The following USP1 variants were observed in gnomAD, a reference collection of about 807,000 sequenced individuals.
USP1 encodes the protein ubiquitin specific peptidase 1, also known as ubiquitin carboxyl-terminal hydrolase 1.
USP1 carries 18 observed loss-of-function variants against 72.2 expected under a neutral mutation model. The observed-to-expected ratio is 0.25, with a 90% confidence interval of 0.17 to 0.37. The LOEUF is 0.37. USP1 is among the 10% of genes least tolerant of loss of function. The probability of loss-of-function intolerance (pLI) is 1.00; values close to 1 mark genes in which losing one functional copy is unlikely to be tolerated. For synonymous variants in USP1, 354 were observed against 303.7 expected (o/e 1.17, Z -1.72); for missense variants, 759 against 884.9 (o/e 0.86, Z 1.81).
intron 6 of USP1, 105 bp from the exon 7 acceptor site, chr1:62,447,236 G>T: frequency 9.0e-7 from 1 of 1,113,536 alleles, no homozygotes; most frequent in Admixed American, 2.9e-5. Flanking sequence ...CTATGAAAAT[G>T]GAACTGTTAT....
intron 6 of USP1, among the ~76,000 whole-genome samples, chr1:62,446,080 A>G (rs11207969): frequency 0.38 from 58,292 of 152,114 alleles, 11,904 homozygotes; most frequent in African/African-American, 0.53. Context: ...AAACTGATGA[A>G]GGACATTGCA....
intron 8 of USP1, 136 bp downstream of exon 8, chr1:62,448,802 G>A: frequency 1.1e-6 from 1 of 884,390 alleles, no homozygotes; most frequent in Non-Finnish European, 1.7e-6. Context: ...GTAAAGTTTT[G>A]TTCTTATTAA....
At chr1:62,443,073 A>G (rs559713568) in intron 4 of USP1, 86 bp from the exon 5 acceptor site, 17 of 1,371,610 alleles carry the variant, frequency 1.2e-5, no homozygotes, top group African/African-American at 2.9e-5. Context: ...TAGAAAATCT[A>G]GTATTCTTAA....
chr1:62,448,443 G>A (rs748923795), intron 7 of USP1, 22 bp from the exon 8 acceptor site: 13 of 1,608,404 alleles, frequency 8.1e-6, no homozygotes, highest in Non-Finnish European at 1.1e-5. Context: ...AAGTATTTGA[G>A]TGAAAGGATT....
Position 62,437,275 on chromosome 1 carries a change from G to A in USP1, c.-195G>A, listed in dbSNP as rs1369838116. On this transcript the variant is annotated 5_prime_UTR_variant, in exon 1 of 9. Coordinates refer to ENST00000339950, the MANE Select transcript of USP1 (RefSeq NM_003368.5). Reference sequence around the variant, plus strand: ...CACTCCCCCGCGGGGAGGGCGAGCCGACCAGATTTTCCTGGGGCCGGGGAC... The same window carrying A: ...CACTCCCCCGCGGGGAGGGCGAGCCAACCAGATTTTCCTGGGGCCGGGGAC... 5.8e-5 allele frequency: 23 copies of A among 397,606 alleles called. No individual in the cohort carries two copies. The highest frequency in any genetic ancestry group is 8.9e-5 in the Non-Finnish European group (20 of 225,890). 24.6% of individuals were successfully genotyped at this position (397,606 alleles called of 1,614,324 possible). A position where few individuals can be genotyped will look rare whatever the true frequency, so the allele number is the denominator to read the frequency against.
At position 62,451,095 on chromosome 1, in the gene USP1, C is replaced by A; in HGVS notation, c.*114C>A. ...TTTGAAGCTACTGGATATTATTGGT[C>A]TCTCTAGGTTTTTATATAAATAGTG... On this transcript the variant is annotated 3_prime_UTR_variant, in exon 9 of 9. Coordinates refer to ENST00000339950, the MANE Select transcript of USP1 (RefSeq NM_003368.5). 9.1e-7 allele frequency: 1 copy of A among 1,103,274 alleles called. No individual in the cohort carries two copies. The highest frequency in any genetic ancestry group is 1.2e-6 in the Non-Finnish European group (1 of 802,728). The allele number at this position is 1,103,274 out of a possible 1,614,324, so 68.3% of individuals were successfully genotyped here.
chr1:62,436,874 G>C (rs1181363845), upstream of USP1: 1 of 378,474 alleles, frequency 2.6e-6, no homozygotes, highest in Non-Finnish European at 4.7e-6. Flanking sequence ...GGGAACTACA[G>C]TCCCAGCTGG....
intron 6 of USP1, 76 bp downstream of exon 6, chr1:62,445,505 A>G: frequency 1.5e-6 from 2 of 1,292,414 alleles, no homozygotes; most frequent in Admixed American, 3.1e-5. Context: ...TCCTAGATAC[A>G]TGTACAATAT....
intron 5 of USP1, among the ~76,000 whole-genome samples, chr1:62,444,117 G>A (rs191087366): frequency 3.3e-4 from 50 of 152,006 alleles, no homozygotes; most frequent in Admixed American, 1.7e-3. Context: ...AAATTAGCTG[G>A]GTGTGGTGGT....
At chr1:62,438,309 C>T (rs1411423925) in intron 1 of USP1, among the ~76,000 whole-genome samples, 2 of 151,910 alleles carry the variant, frequency 1.3e-5, no homozygotes, top group Admixed American at 1.3e-4. Flanking sequence ...TTGGCGATCC[C>T]TGAGAACTTA....
chr1:62,437,259 G>A lies in USP1; in HGVS notation c.-211G>A, dbSNP rs1207798302. On this transcript the variant is annotated 5_prime_UTR_variant, in exon 1 of 9. Coordinates refer to ENST00000339950, the MANE Select transcript of USP1 (RefSeq NM_003368.5). ...CTTGGGAGCGGATGGTCACTCCCCC[G>A]CGGGGAGGGCGAGCCGACCAGATTT... The A allele has an allele frequency of 7.5e-6, 3 of 398,038 alleles. No homozygotes were observed. The highest frequency in any genetic ancestry group is 1.3e-5 in the Non-Finnish European group (3 of 225,972). 24.7% of individuals were successfully genotyped at this position (398,038 alleles called of 1,614,324 possible).
rs746915501 is a variant in USP1, at chr1:62,442,146, C to T, written c.292-49C>T. The T allele has an allele frequency of 5.8e-6, 7 of 1,211,882 alleles. No individual in the cohort carries two copies. The East Asian group carries it at 7.1e-5, about 12-fold the overall frequency. The allele number at this position is 1,211,882 out of a possible 1,614,324, so 75.1% of individuals were successfully genotyped here. On this transcript the variant is annotated intron_variant, in intron 3 of 8. Transcript: ENST00000339950. Reference sequence around the variant, plus strand: ...GCATGATGTTGTTTTAATGATTTTACGTGTATTGTTTGTTCAGTAAACACT... The same window carrying T: ...GCATGATGTTGTTTTAATGATTTTATGTGTATTGTTTGTTCAGTAAACACT...
intron 4 of USP1, among the ~76,000 whole-genome samples, chr1:62,442,591 TTG>T (rs533537420): frequency 2.6e-5 from 4 of 152,208 alleles, no homozygotes; most frequent in Non-Finnish European, 5.9e-5. Flanking sequence ...TATTTACCCA[TTG>T]TGTTTTCAAA....
At chr1:62,449,744 T>G (rs1055663468) in intron 8 of USP1, among the ~76,000 whole-genome samples, 1 of 151,828 alleles carries the variant, frequency 6.6e-6, no homozygotes, top group African/African-American at 2.4e-5. Flanking sequence ...AAACCCTATC[T>G]CTACAAAAAA....
chr1:62,444,892 C>A lies in USP1; in HGVS notation c.712C>A (p.His238Asn). 1 of 1,613,548 alleles carries A rather than the reference C, an allele frequency of 6.2e-7. No homozygotes were observed. The highest frequency in any genetic ancestry group is 1.1e-5 in the South Asian group (1 of 91,002). ...ACCTACTAAGGTAGAAGAAATACCT[C>A]ATCCGAAAGAGGAAATGAATGGTAT... is the stretch of plus-strand genomic sequence containing the variant. ...ELPTKVEEIP[H>N]PKEEMNGINS... The change falls in exon 6 of 9, where the codon CAT becomes AAT. Residue 238 changes from histidine (H) to asparagine (N), a missense_variant. His to Asn is a moderately conservative substitution (Grantham distance 68). Around this residue, in one of 9 missense-constraint regions of USP1, gnomAD observed 245 missense variants for 240.7 expected, o/e 1.02. Coordinates refer to ENST00000339950, the MANE Select transcript of USP1 (RefSeq NM_003368.5).
At chr1:62,443,022 C>A in intron 4 of USP1, 137 bp from the exon 5 acceptor site, 2 of 907,598 alleles carry the variant, frequency 2.2e-6, no homozygotes, top group Non-Finnish European at 1.6e-6. Context: ...AAAAATAAGG[C>A]TTATTTGTAC....
At chr1:62,438,691 A>G (rs1645109649) in intron 1 of USP1, among the ~76,000 whole-genome samples, 1 of 151,268 alleles carries the variant, frequency 6.6e-6, no homozygotes, top group Non-Finnish European at 1.5e-5. Context: ...ATTAACTCCT[A>G]CACTCCTACA....
Position 62,437,116 on chromosome 1 carries a change from CG to C in USP1, c.-350del. 1 of 399,134 alleles carries C rather than the reference CG, an allele frequency of 2.5e-6. No homozygotes were observed. Among genetic ancestry groups the C allele is most frequent in the Admixed American group, 4.4e-5 (1 of 22,744 alleles). The allele number at this position is 399,134 out of a possible 1,614,324, so 24.7% of individuals were successfully genotyped here. A position where few individuals can be genotyped will look rare whatever the true frequency, so the allele number is the denominator to read the frequency against. On this transcript the variant is annotated 5_prime_UTR_variant, in exon 1 of 9. Transcript: ENST00000339950. ...CCTAGCGGTTCAGGCGTTCGGCGAG[CG>C]GGGCCGCTGCTTGTTGCGCTCCTGG...
In USP1 at chr1:62,451,087, T is replaced by A. The variant is rs1645213783; in HGVS notation, c.*106T>A. Reference sequence around the variant, plus strand: ...GCTTATCTTTTGAAGCTACTGGATATTATTGGTCTCTCTAGGTTTTTATAT... The same window carrying A: ...GCTTATCTTTTGAAGCTACTGGATAATATTGGTCTCTCTAGGTTTTTATAT... On this transcript the variant is annotated 3_prime_UTR_variant, in exon 9 of 9. Coordinates refer to ENST00000339950, the MANE Select transcript of USP1 (RefSeq NM_003368.5). 3 of 1,164,056 alleles carry A rather than the reference T, an allele frequency of 2.6e-6. No homozygotes were observed. Among genetic ancestry groups the A allele is most frequent in the South Asian group, 3.4e-5 (2 of 58,822 alleles). 72.1% of individuals were successfully genotyped at this position (1,164,056 alleles called of 1,614,324 possible). A position where few individuals can be genotyped will look rare whatever the true frequency, so the allele number is the denominator to read the frequency against.
Sources: allele counts gnomAD v4.1 joint callset (sites outside exome capture counted in the v4.1 genomes callset), GRCh38; gene constraint gnomAD v4.1.1; regional missense constraint gnomAD v4.1.1; transcripts MANE v1.5; gene names NCBI Gene and HGNC (gene_info 2026-07-23, HGNC 2026-07-21).